The following FSIP2 variants were observed in gnomAD, a reference collection of about 807,000 sequenced individuals.
FSIP2 encodes fibrous sheath interacting protein 2.
A neutral mutation model predicts 510.5 loss-of-function variants in FSIP2; 367 were observed. The ratio of observed to expected loss-of-function variants is 0.72; its 90% confidence interval spans 0.66 to 0.78. The LOEUF (loss-of-function observed/expected upper bound fraction) is 0.78, where lower values mean the gene tolerates loss of function less well. FSIP2 is among the 30% of genes least tolerant of loss of function. The pLI, the probability that FSIP2 is intolerant of heterozygous loss-of-function variation, is 0.00. For missense variants in FSIP2, 7,594 were observed against 7,901.7 expected (o/e 0.96, Z 1.48); for synonymous variants, 2,601 against 2,732.2 (o/e 0.95, Z 1.50).
chr2:185,782,074 G>A (rs1692862974), intron 13 of FSIP2, among the ~76,000 whole-genome samples: 1 of 152,174 alleles, frequency 6.6e-6, no homozygotes, highest in African/African-American at 2.4e-5. Flanking sequence ...CTGACCTCAT[G>A]ATCCGCCCTC....
chr2:185,772,368 C>G (rs1424318813), intron 13 of FSIP2, among the ~76,000 whole-genome samples: 2 of 152,218 alleles, frequency 1.3e-5, no homozygotes, highest in Non-Finnish European at 2.9e-5. Context: ...AAAGGAATAC[C>G]TGAGGCTGGG....
chr2:185,801,847 A>T lies in FSIP2; in HGVS notation c.12541A>T (p.Ile4181Leu). Residue 4181 changes from isoleucine (I) to leucine (L), a missense_variant, in exon 17 of 23, where the codon ATA becomes TTA. Transcript: ENST00000424728. The stretch of plus-strand genomic sequence containing the variant: ...TGATTTTAATGAAATGTCCACTTGT[A>T]TAATAAATAAGGTTATGTCAGCCAT... Reference protein sequence around the residue: ...SSDFNEMSTCIINKVMSAISK... With the variant: ...SSDFNEMSTCLINKVMSAISK... 6.7e-7 allele frequency: 1 copy of T among 1,485,004 alleles called. No homozygotes were observed. Among genetic ancestry groups the T allele is most frequent in the Non-Finnish European group, 8.9e-7 (1 of 1,120,292 alleles). 92.0% of individuals were successfully genotyped at this position (1,485,004 alleles called of 1,614,324 possible).
Position 185,791,173 on chromosome 2 carries a change from C to CGAGTA in FSIP2, c.4038_4042dup (p.Ile1348ArgfsTer13). ...GATAAAAAATTAGAATCTCTTGTCA[C>CGAGTA]GAGTATTGATGATGACATTTTGGCG... On this transcript the variant is annotated frameshift_variant, in exon 16 of 23. Coordinates refer to ENST00000424728, the MANE Select transcript of FSIP2 (RefSeq NM_173651.4). LOFTEE classifies it high-confidence loss of function. The CGAGTA allele has an allele frequency of 6.5e-7, 1 of 1,533,532 alleles. No homozygotes were observed. Among genetic ancestry groups the CGAGTA allele is most frequent in the Non-Finnish European group, 8.7e-7 (1 of 1,145,118 alleles). The allele number at this position is 1,533,532 out of a possible 1,614,324, so 95.0% of individuals were successfully genotyped here.
intron 16 of FSIP2, 199 bp downstream of exon 16, chr2:185,797,725 G>C (rs1453714485): frequency 8.5e-6 from 5 of 585,214 alleles, no homozygotes; most frequent in Non-Finnish European, 1.5e-5. Flanking sequence ...TAGTGTCTCT[G>C]TCACTGAGGC....
Position 185,796,226 on chromosome 2 carries a change from C to T in FSIP2, c.9090C>T (p.Ile3030=), listed in dbSNP as rs1309820172. 4 of 1,529,378 alleles carry T rather than the reference C, an allele frequency of 2.6e-6. No homozygotes were observed. The highest frequency in any genetic ancestry group is 1.7e-4 in the Middle Eastern group (1 of 5,956). 94.7% of individuals were successfully genotyped at this position (1,529,378 alleles called of 1,614,324 possible). A position where few individuals can be genotyped will look rare whatever the true frequency, so the allele number is the denominator to read the frequency against. Residue 3030 remains isoleucine (I), a synonymous_variant, in exon 16 of 23, where the codon ATC becomes ATT. Coordinates refer to ENST00000424728, the MANE Select transcript of FSIP2 (RefSeq NM_173651.4). Reference sequence around the variant, plus strand: ...TGCCTATAGAAAACCTTTCTTCTATCCAACAGAAACTGTTAAACAAAAAAA... The same window carrying T: ...TGCCTATAGAAAACCTTTCTTCTATTCAACAGAAACTGTTAAACAAAAAAA... ...VKMPIENLSS[I]QQKLLNKKML... is the part of the protein sequence containing the mutation.
Position 185,799,739 on chromosome 2 carries a change from A to G in FSIP2, c.10433A>G (p.Lys3478Arg). ...ATGTCTGTTTCTACATGGTCAAGGA[A>G]AAAATATGAATCAAAACAGTTCCTA... ...EKMSVSTWSR[K>R]KYESKQFLRN... The change falls in exon 17 of 23, where the codon AAA (lysine) becomes AGA (arginine). Residue 3478 changes from lysine (K) to arginine (R), a missense_variant. Lys to Arg is a conservative substitution (Grantham distance 26). Transcript: ENST00000424728. 4.8e-6 allele frequency: 7 copies of G among 1,469,804 alleles called. No homozygotes were observed. Among genetic ancestry groups the G allele is most frequent in the Non-Finnish European group, 6.3e-6 (7 of 1,110,914 alleles). 91.0% of individuals were successfully genotyped at this position (1,469,804 alleles called of 1,614,324 possible).
Position 185,804,689 on chromosome 2 carries a change from A to G in FSIP2, c.15383A>G (p.His5128Arg), listed in dbSNP as rs1330477150. 6.5e-7 allele frequency: 1 copy of G among 1,531,946 alleles called. No individual in the cohort carries two copies. The highest frequency in any genetic ancestry group is 8.7e-7 in the Non-Finnish European group (1 of 1,144,570). The allele number at this position is 1,531,946 out of a possible 1,614,324, so 94.9% of individuals were successfully genotyped here. A position where few individuals can be genotyped will look rare whatever the true frequency, so the allele number is the denominator to read the frequency against. Residue 5128 changes from histidine to arginine, a missense_variant, in exon 17 of 23, where the codon CAT becomes CGT. Transcript: ENST00000424728. ...GATATGGTTTACAGGCTTCTAGGGC[A>G]TGTCTTCCCTTCAACTCACACTGAA... ...LEDMVYRLLG[H>R]VFPSTHTENE... is the part of the protein sequence containing the mutation.
At position 185,790,108 on chromosome 2, in the gene FSIP2, C is replaced by G; in HGVS notation, c.2972C>G (p.Pro991Arg). 6.5e-7 allele frequency: 1 copy of G among 1,533,704 alleles called. No individual in the cohort carries two copies. The highest frequency in any genetic ancestry group is 8.7e-7 in the Non-Finnish European group (1 of 1,145,300). Residue 991 changes from proline to arginine, a missense_variant, in exon 16 of 23, where the codon CCT (proline) becomes CGT (arginine). By Grantham distance (103) the Pro-to-Arg change is moderately radical (BLOSUM62 -2). Transcript: ENST00000424728. ...NSPRSGRPFP[P>R]INVPGMVLYS... ...CCTAGGTCTGGAAGACCATTTCCACCTATAAATGTTCCAGGCATGGTTCTT... is the reference window on the plus strand; with the variant it reads ...CCTAGGTCTGGAAGACCATTTCCACGTATAAATGTTCCAGGCATGGTTCTT...
chr2:185,809,209 A>G, intron 17 of FSIP2, 76 bp downstream of exon 17: 1 of 1,457,492 alleles, frequency 6.9e-7, no homozygotes, highest in Non-Finnish European at 9.1e-7. Flanking sequence ...TCCTCAAATA[A>G]GTATATGGAA....
rs1693607228 is a variant in FSIP2, at chr2:185,807,319, A to T, written c.18013A>T (p.Thr6005Ser). The T allele has an allele frequency of 6.2e-7, 1 of 1,612,518 alleles. No individual in the cohort carries two copies. Among genetic ancestry groups the T allele is most frequent in the South Asian group, 1.1e-5 (1 of 90,868 alleles). The change falls in exon 17 of 23, where the codon ACA (threonine) becomes TCA (serine). Residue 6005 changes from threonine (T) to serine (S), a missense_variant. Coordinates refer to ENST00000424728, the MANE Select transcript of FSIP2 (RefSeq NM_173651.4). ...AGAATGTCAAACTTCATCACCATAT[A>T]CAATAATATTACCTCATAAATTTTT... The part of the protein sequence containing the change: ...SKECQTSSPY[T>S]IILPHKFLEN...
In FSIP2 at chr2:185,790,773, G is replaced by C; in HGVS notation, c.3637G>C (p.Glu1213Gln). The C allele has an allele frequency of 1.3e-6, 2 of 1,532,250 alleles. No homozygotes were observed. Among genetic ancestry groups the C allele is most frequent in the Non-Finnish European group, 1.7e-6 (2 of 1,144,576 alleles). The allele number at this position is 1,532,250 out of a possible 1,614,324, so 94.9% of individuals were successfully genotyped here. A position where few individuals can be genotyped will look rare whatever the true frequency, so the allele number is the denominator to read the frequency against. ...TTCTGACACTGAACACATAGTCAAAGAAGCACCAAATAAATACCCATTAAA... is the reference window on the plus strand; with the variant it reads ...TTCTGACACTGAACACATAGTCAAACAAGCACCAAATAAATACCCATTAAA... The part of the protein sequence containing the change: ...HNSDTEHIVK[E>Q]APNKYPLKTW... Residue 1213 changes from glutamate to glutamine, a missense_variant, in exon 16 of 23, where the codon GAA (glutamate) becomes CAA (glutamine). Physicochemically the swap from Glu to Gln is conservative, Grantham distance 29. Transcript: ENST00000424728.
In FSIP2 at chr2:185,795,396, T is replaced by C; in HGVS notation, c.8260T>C (p.Phe2754Leu). Residue 2754 changes from phenylalanine (F) to leucine (L), a missense_variant, in exon 16 of 23, where the codon TTT becomes CTT. Coordinates refer to ENST00000424728, the MANE Select transcript of FSIP2 (RefSeq NM_173651.4). ...INILETIVKE[F>L]GKVKQTKALP... ...CATCCTAGAAACAATTGTGAAGGAA[T>C]TTGGAAAGGTAAAGCAAACCAAAGC... 1 of 1,534,882 alleles carries C rather than the reference T, an allele frequency of 6.5e-7. No homozygotes were observed. The highest frequency in any genetic ancestry group is 1.4e-5 in the African/African-American group (1 of 73,008).
intron 1 of FSIP2, 100 bp from the exon 2 acceptor site, chr2:185,739,246 T>C: frequency 1.5e-6 from 2 of 1,306,782 alleles, no homozygotes; most frequent in Non-Finnish European, 2.0e-6. Context: ...CCTGATTGTA[T>C]AATTCTTCGG....
At position 185,800,819 on chromosome 2, in the gene FSIP2, C is replaced by T. The variant is rs547215104; in HGVS notation, c.11513C>T (p.Ser3838Phe). The change falls in exon 17 of 23, where the codon TCT becomes TTT. Residue 3838 changes from serine to phenylalanine, a missense_variant. Coordinates refer to ENST00000424728, the MANE Select transcript of FSIP2 (RefSeq NM_173651.4). Reference protein sequence around the residue: ...EIDQDLLTSDSMLTIISHSLV... With the variant: ...EIDQDLLTSDFMLTIISHSLV... The stretch of plus-strand genomic sequence containing the variant: ...GATCAAGACTTATTGACATCAGACT[C>T]TATGCTTACTATTATTTCCCACAGC... The T allele has an allele frequency of 1.2e-5, 19 of 1,534,320 alleles. No individual in the cohort carries two copies. In the South Asian group the frequency reaches 1.7e-4, roughly 13 times the overall value.
In FSIP2 at chr2:185,793,026, G is replaced by A. The variant is rs1173352416; in HGVS notation, c.5890G>A (p.Ala1964Thr). 43 of 1,534,320 alleles carry A rather than the reference G, an allele frequency of 2.8e-5. No individual in the cohort carries two copies. The East Asian group carries it at 1.1e-3, about 38-fold the overall frequency. The change falls in exon 16 of 23, where the codon GCA becomes ACA. Residue 1964 changes from alanine (A) to threonine (T), a missense_variant. Transcript: ENST00000424728. ...IQQDHSTLSKALSAKDSYSDE... is the reference protein window; with the variant it reads ...IQQDHSTLSKTLSAKDSYSDE... Reference sequence around the variant, plus strand: ...GCAAGATCACAGTACATTGAGCAAAGCATTATCAGCCAAAGATTCATATTC... The same window carrying A: ...GCAAGATCACAGTACATTGAGCAAAACATTATCAGCCAAAGATTCATATTC...
intron 12 of FSIP2, 78 bp downstream of exon 12, chr2:185,763,367 G>A (rs1323064705): frequency 7.1e-6 from 5 of 708,504 alleles, no homozygotes; most frequent in African/African-American, 3.6e-5. Context: ...GGTATAAAAT[G>A]TCATGATTTA....
rs1346596339 is a variant in FSIP2, at chr2:185,796,589, T to G, written c.9453T>G (p.Asn3151Lys). ...SRESLFQGAE[N>K]AYTVNQVELA... is the part of the protein sequence containing the mutation. Reference sequence around the variant, plus strand: ...AAAGTTTGTTCCAAGGAGCTGAAAATGCCTACACTGTTAATCAGGTTGAAT... The same window carrying G: ...AAAGTTTGTTCCAAGGAGCTGAAAAGGCCTACACTGTTAATCAGGTTGAAT... Residue 3151 changes from asparagine (N) to lysine (K), a missense_variant, in exon 16 of 23, where the codon AAT (asparagine) becomes AAG (lysine). Asn to Lys is a moderately conservative substitution (Grantham distance 94). Transcript: ENST00000424728. 6.5e-7 allele frequency: 1 copy of G among 1,535,018 alleles called. No homozygotes were observed. The highest frequency in any genetic ancestry group is 8.7e-7 in the Non-Finnish European group (1 of 1,146,260).
chr2:185,758,426 G>A (rs969430508), intron 9 of FSIP2, among the ~76,000 whole-genome samples: 3 of 151,036 alleles, frequency 2.0e-5, no homozygotes, highest in South Asian at 2.1e-4. Context: ...ATAAAATGTC[G>A]AGTAACACAT....
rs10179791 is a variant in FSIP2, at chr2:185,738,891, G to C, written c.-4G>C. ...AGGAAGGGGCTGAGGGGGCTGTGCC[G>C]GCCATGGAGCTGTACCTCGGCGCCT... is the stretch of plus-strand genomic sequence containing the variant. On this transcript the variant is annotated 5_prime_UTR_variant, in exon 1 of 23. Transcript: ENST00000424728. The C allele has an allele frequency of 2.6e-6, 4 of 1,535,366 alleles. No individual in the cohort carries two copies. In the East Asian group the frequency reaches 9.8e-5, roughly 38 times the overall value.
Sources: allele counts gnomAD v4.1 joint callset (sites outside exome capture counted in the v4.1 genomes callset), GRCh38; gene constraint gnomAD v4.1.1; transcripts MANE v1.5; gene names NCBI Gene and HGNC (gene_info 2026-07-23, HGNC 2026-07-21).